Variants in ZNF680 observed in about 807,000 individuals in gnomAD.
The protein encoded by ZNF680 is hypothetical protein FLJ90430.
ZNF680 carries 6 observed loss-of-function variants against 12.1 expected under a neutral mutation model. That is an observed-to-expected ratio of 0.49 (90% confidence interval 0.27 to 0.98). The LOEUF is 0.98. Ranked by LOEUF, ZNF680 falls within the 50% of genes least tolerant of loss-of-function variation. The pLI is 0.12. For missense variants in ZNF680, 561 were observed against 616.3 expected (o/e 0.91, Z 0.95); for synonymous variants, 170 against 199.3 (o/e 0.85, Z 1.24).
At chr7:64,522,865 T>C (rs918212109) in intron 3 of ZNF680, among the ~76,000 whole-genome samples, 1 of 151,524 alleles carries the variant, frequency 6.6e-6, no homozygotes, top group African/African-American at 2.4e-5. Context: ...TGTGATATAG[T>C]CAAAGTCATG....
At chr7:64,529,635 G>C (rs1785761075) in intron 3 of ZNF680, among the ~76,000 whole-genome samples, 1 of 152,006 alleles carries the variant, frequency 6.6e-6, no homozygotes, top group African/African-American at 2.4e-5. Flanking sequence ...AAGCCTCCAA[G>C]AAGTCTGGGA....
At chr7:64,531,043 C>A (rs529805977) in intron 3 of ZNF680, among the ~76,000 whole-genome samples, 1 of 151,934 alleles carries the variant, frequency 6.6e-6, no homozygotes, top group African/African-American at 2.4e-5. Context: ...TGGGGAATTT[C>A]AATAGTCCAC....
At chr7:64,557,366 C>T (rs1294659921) in intron 1 of ZNF680, among the ~76,000 whole-genome samples, 2 of 150,186 alleles carry the variant, frequency 1.3e-5, no homozygotes, top group African/African-American at 2.5e-5. Context: ...ACCAGCCTGA[C>T]CAACATGGTG....
the ZNF680 span, among the ~76,000 whole-genome samples, chr7:64,510,120 A>T: frequency 6.6e-6 from 1 of 152,042 alleles, no homozygotes; most frequent in Non-Finnish European, 1.5e-5. Context: ...ACAATAACAA[A>T]AAAGCCCCAA....
At chr7:64,533,743 A>G (rs1272754001) in intron 3 of ZNF680, among the ~76,000 whole-genome samples, 1 of 152,220 alleles carries the variant, frequency 6.6e-6, no homozygotes, top group African/African-American at 2.4e-5. Context: ...ATCTGGAGGC[A>G]TCAGACTACC....
At chr7:64,512,865 G>T in the ZNF680 span, among the ~76,000 whole-genome samples, 1 of 152,040 alleles carries the variant, frequency 6.6e-6, no homozygotes, top group East Asian at 1.9e-4. Context: ...TTAAAATGAA[G>T]GCTGTGGTAC....
At chr7:64,538,487 T>C (rs1786300561) in intron 3 of ZNF680, among the ~76,000 whole-genome samples, 2 of 151,956 alleles carry the variant, frequency 1.3e-5, no homozygotes, top group African/African-American at 4.8e-5. Flanking sequence ...TTGATACAAA[T>C]GCAAAAAAGC....
intron 3 of ZNF680, among the ~76,000 whole-genome samples, chr7:64,529,736 C>T (rs114983100): frequency 1.5e-3 from 235 of 152,096 alleles, no homozygotes; most frequent in African/African-American, 5.1e-3. Context: ...GGTTGATAAC[C>T]GAGAAAAGCT....
At chr7:64,530,973 C>A (rs1323678151) in intron 3 of ZNF680, among the ~76,000 whole-genome samples, 1 of 151,562 alleles carries the variant, frequency 6.6e-6, no homozygotes, top group African/African-American at 2.4e-5. Context: ...AACATTGGAG[C>A]TTCTAAATTT....
At chr7:64,555,962 C>T (rs1435747104) in intron 1 of ZNF680, among the ~76,000 whole-genome samples, 1 of 151,588 alleles carries the variant, frequency 6.6e-6, no homozygotes, top group Admixed American at 6.6e-5. Context: ...AAATCAGTAA[C>T]ATCTCTGAAC....
rs753862039 is a variant in ZNF680, at chr7:64,522,227, T to C, written c.527A>G (p.Asn176Ser). The change falls in exon 4 of 4, where the codon AAT (asparagine) becomes AGT (serine). Residue 176 changes from asparagine (N) to serine (S), a missense_variant. Physicochemically the swap from Asn to Ser is conservative, Grantham distance 46. Coordinates refer to ENST00000309683, the MANE Select transcript of ZNF680 (RefSeq NM_178558.5). ...ACATTTGAAAACCTTCTTTCCAGTA[T>C]TTCTTTTCTTATGACTGTTTGAATT... The part of the protein sequence containing the change: ...FSNSNSHKKR[N>S]TGKKVFKCKE... 1 of 1,612,434 alleles carries C rather than the reference T, an allele frequency of 6.2e-7. No individual in the cohort carries two copies. Among genetic ancestry groups the C allele is most frequent in the Non-Finnish European group, 8.5e-7 (1 of 1,179,008 alleles).
intron 1 of ZNF680, among the ~76,000 whole-genome samples, chr7:64,561,569 G>A (rs1259817206): frequency 1.3e-5 from 2 of 152,086 alleles, no homozygotes; most frequent in Admixed American, 6.5e-5. Context: ...TTTTACAAAC[G>A]GAAAACAAAT....
downstream of ZNF680, among the ~76,000 whole-genome samples, chr7:64,519,408 T>C (rs146293598): frequency 2.0e-4 from 31 of 151,964 alleles, no homozygotes; most frequent in African/African-American, 7.5e-4. Context: ...ATTAGCACCA[T>C]TATGAAAAAT....
At chr7:64,561,701 G>A (rs963717467) in intron 1 of ZNF680, among the ~76,000 whole-genome samples, 1 of 152,058 alleles carries the variant, frequency 6.6e-6, no homozygotes. Flanking sequence ...TTGGGAGGCC[G>A]AGGCGGGTGG....
chr7:64,549,073 T>C (rs1786931512), intron 1 of ZNF680, among the ~76,000 whole-genome samples: 1 of 146,888 alleles, frequency 6.8e-6, no homozygotes, highest in Admixed American at 7.0e-5. Flanking sequence ...TGAGCTGAAA[T>C]CACGCCATTG....
chr7:64,559,576 G>T (rs1383474260), intron 1 of ZNF680, among the ~76,000 whole-genome samples: 1 of 152,024 alleles, frequency 6.6e-6, no homozygotes, highest in East Asian at 1.9e-4. Flanking sequence ...TACCTCCTGG[G>T]TTCAAGCAAT....
At chr7:64,502,720 C>T in the ZNF680 span, among the ~76,000 whole-genome samples, 1 of 152,198 alleles carries the variant, frequency 6.6e-6, no homozygotes, top group Non-Finnish European at 1.5e-5. Flanking sequence ...CCCTACATTT[C>T]CTACCTTAAC....
At chr7:64,555,475 A>G (rs573063765) in intron 1 of ZNF680, among the ~76,000 whole-genome samples, 2 of 152,246 alleles carry the variant, frequency 1.3e-5, no homozygotes, top group African/African-American at 4.8e-5. Flanking sequence ...CAAAGATACA[A>G]CATACCAGAA....
chr7:64,554,227 C>CCCGG (rs59201436), intron 1 of ZNF680, among the ~76,000 whole-genome samples: 44,634 of 149,654 alleles, frequency 0.3, 7,282 homozygotes, highest in African/African-American at 0.42. Flanking sequence ...AGCGCCTCTG[C>CCCGG]CCGGCCGCGA....
Sources: allele counts gnomAD v4.1 joint callset (sites outside exome capture counted in the v4.1 genomes callset), GRCh38; gene constraint gnomAD v4.1.1; transcripts MANE v1.5; gene names NCBI Gene and HGNC (gene_info 2026-07-23, HGNC 2026-07-21).